The following KCNK2 variants were observed in gnomAD, a reference collection of about 807,000 sequenced individuals.
KCNK2 encodes the protein potassium channel subfamily K member 2.
KCNK2 carries 21 observed loss-of-function variants against 40.5 expected under a neutral mutation model. The observed-to-expected ratio is 0.52, with a 90% confidence interval of 0.37 to 0.75. The LOEUF (loss-of-function observed/expected upper bound fraction) is 0.75. KCNK2 is among the 30% of genes least tolerant of loss of function. KCNK2 has a pLI of 0.00. For synonymous variants in KCNK2, 191 were observed against 202.2 expected (o/e 0.94, Z 0.47); for missense variants, 399 against 531.6 (o/e 0.75, Z 2.45).
At chr1:215,083,738 A>G (rs1392216298) in intron 1 of KCNK2, 2 of 491,618 alleles carry the variant, frequency 4.1e-6, no homozygotes, top group Non-Finnish European at 7.4e-6. Flanking sequence ...GCCGGCAGGC[A>G]GGACTCATGG....
At chr1:215,104,816 T>C (rs1467830470) in intron 2 of KCNK2, among the ~76,000 whole-genome samples, 1 of 152,082 alleles carries the variant, frequency 6.6e-6, no homozygotes, top group Non-Finnish European at 1.5e-5. Context: ...ATTTATTGAG[T>C]TCCTACTATG....
intron 2 of KCNK2, among the ~76,000 whole-genome samples, chr1:215,123,695 T>C (rs542812081): frequency 6.6e-6 from 1 of 152,274 alleles, no homozygotes; most frequent in South Asian, 2.1e-4. Context: ...CTCTTGGCCT[T>C]TAATTTCCTT....
At chr1:215,230,022 T>TATATATATACATATATAG (rs1666559069) in intron 6 of KCNK2, among the ~76,000 whole-genome samples, 1 of 147,076 alleles carries the variant, frequency 6.8e-6, no homozygotes, top group South Asian at 2.1e-4. Flanking sequence ...ACAGATTATA[T>TATATATATACATATATAG]ATATATATAC....
At chr1:215,049,693 GTTAT>G (rs1268298161) in intron 1 of KCNK2, among the ~76,000 whole-genome samples, 17 of 152,084 alleles carry the variant, frequency 1.1e-4, no homozygotes, top group East Asian at 1.9e-4. Flanking sequence ...TTAGATTTAG[GTTAT>G]TTATTTATTT....
At chr1:215,209,488 C>A (rs1406378908) in intron 6 of KCNK2, among the ~76,000 whole-genome samples, 22 of 15,882 alleles carry the variant, frequency 1.4e-3, no homozygotes, top group South Asian at 5.0e-3. Context: ...ATATATAATA[C>A]ATATATATAA....
At chr1:215,052,088 A>G (rs1368508836) in intron 1 of KCNK2, among the ~76,000 whole-genome samples, 3 of 152,198 alleles carry the variant, frequency 2.0e-5, no homozygotes, top group Non-Finnish European at 2.9e-5. Flanking sequence ...ATTTCCTGTC[A>G]TGGAGCTTAC....
In KCNK2 at chr1:215,224,247, C is replaced by G. The variant is rs545774232; in HGVS notation, c.964-10581C>G. 1.1e-3 allele frequency among the ~76,000 whole-genome samples: 170 copies of G among 152,210 alleles called. 1 individual carries two copies. The highest frequency in any genetic ancestry group is 1.4e-3 in the Non-Finnish European group (92 of 67,992). Reference sequence around the variant, plus strand: ...AAATTAGAAATTCAACAATGAAATTCTAAGTGGGTAACCCCACTTAGAGGG... The same window carrying G: ...AAATTAGAAATTCAACAATGAAATTGTAAGTGGGTAACCCCACTTAGAGGG... On this transcript the variant is annotated intron_variant, in intron 6 of 6. Transcript: ENST00000444842.
chr1:215,215,826 G>C (rs1232521999), intron 6 of KCNK2, among the ~76,000 whole-genome samples: 2 of 152,266 alleles, frequency 1.3e-5, no homozygotes, highest in Admixed American at 1.3e-4. Context: ...CTTCTGATCT[G>C]TTTCACCAGG....
chr1:215,032,157 C>T (rs1177473515), intron 1 of KCNK2, among the ~76,000 whole-genome samples: 2 of 150,324 alleles, frequency 1.3e-5, no homozygotes, highest in African/African-American at 2.5e-5. Context: ...CCTATAATCC[C>T]AGCACATTGG....
chr1:215,030,537 C>A (rs1018169980), intron 1 of KCNK2, among the ~76,000 whole-genome samples: 1 of 149,654 alleles, frequency 6.7e-6, no homozygotes, highest in Non-Finnish European at 1.5e-5. Flanking sequence ...TCTATGTTAC[C>A]TATCTTTTTT....
chr1:215,053,833 G>T (rs1658069014), intron 1 of KCNK2, among the ~76,000 whole-genome samples: 1 of 152,204 alleles, frequency 6.6e-6, no homozygotes, highest in Admixed American at 6.5e-5. Context: ...CGGGCATAGT[G>T]ATGCATGCCT....
intron 1 of KCNK2, among the ~76,000 whole-genome samples, chr1:215,008,873 T>A (rs566684096): frequency 2.6e-5 from 4 of 152,216 alleles, no homozygotes; most frequent in Admixed American, 6.5e-5. Flanking sequence ...GCTTTTTTTT[T>A]AAAGAAAGTA....
chr1:215,007,021 A>G (rs377725228), intron 1 of KCNK2, among the ~76,000 whole-genome samples: 1,158 of 15,022 alleles, frequency 0.077, 58 homozygotes, highest in African/African-American at 0.1. Context: ...ATATATATAT[A>G]TATATATATA....
At chr1:215,140,986 TA>T (rs1420661405) in intron 3 of KCNK2, among the ~76,000 whole-genome samples, 4 of 152,218 alleles carry the variant, frequency 2.6e-5, no homozygotes, top group African/African-American at 9.6e-5. Context: ...TTTTTTCTAT[TA>T]ATTTTTAAAA....
chr1:215,119,914 T>G (rs1280738519), intron 2 of KCNK2, among the ~76,000 whole-genome samples: 1 of 152,202 alleles, frequency 6.6e-6, no homozygotes, highest in Non-Finnish European at 1.5e-5. Context: ...ATTTCAGAGA[T>G]TCTTAGCTCT....
chr1:215,093,085 G>A (rs1035909380), intron 2 of KCNK2, among the ~76,000 whole-genome samples: 3 of 152,112 alleles, frequency 2.0e-5, no homozygotes, highest in Admixed American at 6.6e-5. Flanking sequence ...TTATATAGAA[G>A]CTATTTAAAA....
chr1:215,189,652 AAGTTT>A (rs1279097673), intron 5 of KCNK2, among the ~76,000 whole-genome samples: 6 of 152,272 alleles, frequency 3.9e-5, no homozygotes, highest in African/African-American at 1.4e-4. Context: ...GGCATATGAA[AAGTTT>A]AGTTTAGTAG....
chr1:215,107,785 C>T (rs143318971), intron 2 of KCNK2, among the ~76,000 whole-genome samples: 23 of 151,866 alleles, frequency 1.5e-4, no homozygotes, highest in African/African-American at 5.1e-4. Context: ...TCCGTGGGTT[C>T]GGCATCCAGG....
chr1:215,025,325 T>C (rs1558060815), intron 1 of KCNK2, among the ~76,000 whole-genome samples: 1 of 152,066 alleles, frequency 6.6e-6, no homozygotes, highest in Non-Finnish European at 1.5e-5. Context: ...TGCATACATA[T>C]GGACTTTTAT....
Sources: gnomAD v4.1 joint callset for allele counts (sites outside exome capture counted in the v4.1 genomes callset) on GRCh38, gnomAD v4.1.1 for gene constraint, MANE v1.5 for transcripts, NCBI Gene and HGNC (gene_info 2026-07-23, HGNC 2026-07-21) for gene names.